The following GRHL3 variants were observed in gnomAD, a reference collection of about 807,000 sequenced individuals.
The protein encoded by GRHL3 is grainyhead like transcription factor 3.
Under a neutral mutation model 70.3 loss-of-function variants are expected in GRHL3, and 20 were observed. That is an observed-to-expected ratio of 0.28 (90% confidence interval 0.20 to 0.41). The LOEUF is 0.41. Among genes scored for constraint, GRHL3 ranks in the 10% least tolerant of loss-of-function variants. The pLI is 1.00. For missense variants in GRHL3, 637 were observed against 762.3 expected (o/e 0.84, Z 1.94); for synonymous variants, 299 against 299.9 (o/e 1.00, Z 0.03).
intron 12 of GRHL3, 104 bp from the exon 13 acceptor site, chr1:24,346,449 G>T: frequency 1.4e-6 from 1 of 713,612 alleles, no homozygotes; most frequent in Non-Finnish European, 2.5e-6. Flanking sequence ...ATCCACCCTT[G>T]TGTTTTCTTC....
chr1:24,352,990 G>A (rs1036817188), intron 15 of GRHL3, among the ~76,000 whole-genome samples: 54 of 152,286 alleles, frequency 3.5e-4, no homozygotes, highest in African/African-American at 1.3e-3. Context: ...CGTGCCTGCC[G>A]CTCCTGCGCC....
intron 1 of GRHL3, chr1:24,319,814 G>A: frequency 8.1e-7 from 1 of 1,233,406 alleles, no homozygotes; most frequent in Non-Finnish European, 1.1e-6. Context: ...GCCAGGCAGG[G>A]AAACACAAGA....
chr1:24,355,994 G>A (rs866736139), downstream of GRHL3, among the ~76,000 whole-genome samples: 6 of 151,358 alleles, frequency 4.0e-5, no homozygotes, highest in African/African-American at 4.9e-5. Flanking sequence ...TCCGCCTCCC[G>A]GGTTCAAGCG....
chr1:24,348,571 A>G (rs1453989658), intron 14 of GRHL3, among the ~76,000 whole-genome samples: 1 of 152,208 alleles, frequency 6.6e-6, no homozygotes, highest in East Asian at 1.9e-4. Flanking sequence ...CTCCCCATCT[A>G]GTGCCTGCAC....
rs1422963356 is a variant in GRHL3, at chr1:24,321,193, G to T, written c.17+1625G>T. On this transcript the variant is annotated intron_variant, in intron 1 of 15. Transcript: ENST00000361548. This position sits in a 1 kb window ranked among gnomAD's most constrained non-coding sequence, Gnocchi z 4.0. ...TAGGGGGTATGTGTTCTGAAGCTGGGTTACTTGAACAGAAAGGTTTCTTGC... is the reference window on the plus strand; with the variant it reads ...TAGGGGGTATGTGTTCTGAAGCTGGTTTACTTGAACAGAAAGGTTTCTTGC... Among the ~76,000 whole-genome samples the T allele has an allele frequency of 6.6e-6, 1 of 152,254 alleles. No individual in the cohort carries two copies. Among genetic ancestry groups the T allele is most frequent in the Non-Finnish European group, 1.5e-5 (1 of 68,048 alleles).
At chr1:24,352,862 C>T (rs778472861) in intron 15 of GRHL3, among the ~76,000 whole-genome samples, 2 of 152,146 alleles carry the variant, frequency 1.3e-5, no homozygotes, top group Admixed American at 6.5e-5. Context: ...TGGCAGTCAG[C>T]GCTCAAACCA....
chr1:24,354,458 CA>C lies in GRHL3; in HGVS notation c.1783del (p.Ile595PhefsTer47). ...TGCTGGACATGGGGGAGCTGGACGG[CA>C]AAATTCAGATCATCCTTAAGGAGCT... ...FLLDMGELDG[K>X]IQIILKEL On this transcript the variant is annotated frameshift_variant, in exon 16 of 16. Transcript: ENST00000361548. LOFTEE classifies it high-confidence loss of function. 3 of 1,613,394 alleles carry C rather than the reference CA, an allele frequency of 1.9e-6. No individual in the cohort carries two copies. The highest frequency in any genetic ancestry group is 2.5e-6 in the Non-Finnish European group (3 of 1,179,446).
At chr1:24,361,122 G>T in intron 15 of GRHL3, 1 of 1,265,026 alleles carries the variant, frequency 7.9e-7, no homozygotes, top group Non-Finnish European at 1.1e-6. Context: ...GCCAAGACCT[G>T]CACAGCAGCA....
At chr1:24,360,746 C>G in intron 15 of GRHL3, 1 of 1,018,630 alleles carries the variant, frequency 9.8e-7, no homozygotes, top group South Asian at 1.6e-5. Flanking sequence ...ATCCCTGTAA[C>G]CTATTTGGGA....
At position 24,342,738 on chromosome 1, in the gene GRHL3, G is replaced by T. The variant is rs1363454227; in HGVS notation, c.1251G>T (p.Arg417=). 6.2e-7 allele frequency: 1 copy of T among 1,614,222 alleles called. No individual in the cohort carries two copies. The highest frequency in any genetic ancestry group is 8.5e-7 in the Non-Finnish European group (1 of 1,180,034). ...GCGATGACGAGCGGAAGCAGTTCCG[G>T]AGGAAGGTCAAGTGCCCTGACTCCA... The part of the protein sequence containing the change: ...KMRDDERKQF[R]RKVKCPDSSN... The change falls in exon 10 of 16, where the codon CGG becomes CGT. Residue 417 remains arginine, a synonymous_variant. Transcript: ENST00000361548. This position sits in a 1 kb window ranked among gnomAD's most constrained non-coding sequence, Gnocchi z 4.8.
intron 15 of GRHL3, among the ~76,000 whole-genome samples, chr1:24,352,132 ACAT>A (rs202245894): frequency 0.026 from 3,979 of 152,178 alleles, 76 homozygotes; most frequent in Admixed American, 0.055. Flanking sequence ...GGCCGTGAAA[ACAT>A]CAGCCCCAGG....
Position 24,347,567 on chromosome 1 carries a change from G to GGACCCCGCCCCCCATGGCA in GRHL3, c.1629+21_1629+39dup. The stretch of plus-strand genomic sequence containing the variant: ...CTGAGGAATGCGGTAAGCTGCCTGT[G>GGACCCCGCCCCCCATGGCA]GACCCCGCCCCCCATGGCAGACCCC... On this transcript the variant is annotated intron_variant, in intron 14 of 15. Transcript: ENST00000361548. 6.2e-7 allele frequency: 1 copy of GGACCCCGCCCCCCATGGCA among 1,605,202 alleles called. No individual in the cohort carries two copies. The highest frequency in any genetic ancestry group is 8.5e-7 in the Non-Finnish European group (1 of 1,171,918).
At chr1:24,338,717 C>T (rs535610674) in intron 7 of GRHL3, among the ~76,000 whole-genome samples, 63 of 152,342 alleles carry the variant, frequency 4.1e-4, no homozygotes, top group African/African-American at 1.5e-3. Flanking sequence ...GAACATGATA[C>T]ACACGGGACT....
intron 1 of GRHL3, 81 bp from the exon 2 acceptor site, chr1:24,331,345 C>A: frequency 1.6e-6 from 2 of 1,286,316 alleles, no homozygotes; most frequent in Non-Finnish European, 2.2e-6. Flanking sequence ...ACTCTGAATT[C>A]CTGGGCGTTG....
chr1:24,361,246 A>T (rs984515504), intron 15 of GRHL3, among the ~76,000 whole-genome samples: 1 of 152,142 alleles, frequency 6.6e-6, no homozygotes, highest in African/African-American at 2.4e-5. Flanking sequence ...TCATGATGGG[A>T]CCTACTTTGA....
intron 3 of GRHL3, 88 bp from the exon 4 acceptor site, chr1:24,336,394 C>A: frequency 1.2e-6 from 1 of 814,926 alleles, no homozygotes; most frequent in Non-Finnish European, 2.0e-6. Flanking sequence ...GGATCAAAGG[C>A]CAGTGTGTCA....
At chr1:24,331,013 A>G (rs891484643) in intron 1 of GRHL3, among the ~76,000 whole-genome samples, 3 of 152,254 alleles carry the variant, frequency 2.0e-5, no homozygotes, top group African/African-American at 4.8e-5. Flanking sequence ...CTTGAGGACA[A>G]CTTCTTCAGT....
intron 6 of GRHL3, 65 bp from the exon 7 acceptor site, chr1:24,337,927 G>A: frequency 6.5e-7 from 1 of 1,545,368 alleles, no homozygotes; most frequent in Non-Finnish European, 8.8e-7. Flanking sequence ...GAGGCAAAAG[G>A]GCAGGCCATT....
intron 11 of GRHL3, 37 bp from the exon 12 acceptor site, chr1:24,344,857 CCTG>C: frequency 6.2e-7 from 1 of 1,613,348 alleles, no homozygotes; most frequent in Non-Finnish European, 8.5e-7. Flanking sequence ...CTCTCATTTT[CCTG>C]CGTGTGATGG....
Sources: gnomAD v4.1 joint callset for allele counts (sites outside exome capture counted in the v4.1 genomes callset) on GRCh38, gnomAD v4.1.1 for gene constraint, Gnocchi (gnomAD v3.1) non-coding constraint, MANE v1.5 for transcripts, NCBI Gene and HGNC (gene_info 2026-07-23, HGNC 2026-07-21) for gene names.